PDE1A: variants seen among roughly 807,000 people sequenced by gnomAD.
PDE1A encodes phosphodiesterase 1A.
PDE1A carries 35 observed loss-of-function variants against 61.7 expected under a neutral mutation model. The ratio of observed to expected loss-of-function variants is 0.57; its 90% confidence interval spans 0.43 to 0.75. PDE1A has a LOEUF of 0.75. Ranked by LOEUF, PDE1A falls within the 30% of genes least tolerant of loss-of-function variation. PDE1A has a pLI of 0.00. For synonymous variants in PDE1A, 232 were observed against 213.2 expected, an observed-to-expected ratio of 1.09 and a Z score of -0.77; for missense variants, 597 against 630.6, an observed-to-expected ratio of 0.95 and a Z score of 0.57.
the PDE1A span, among the ~76,000 whole-genome samples, chr2:182,596,042 T>C: frequency 6.6e-6 from 1 of 152,176 alleles, no homozygotes. Flanking sequence ...TATAAATTTA[T>C]AGTACAAGCA....
At chr2:182,526,691 G>C (rs1346785926), upstream of PDE1A, among the ~76,000 whole-genome samples, 1 of 152,140 alleles carries the variant, frequency 6.6e-6, no homozygotes, top group Non-Finnish European at 1.5e-5. Flanking sequence ...AAATGATCTT[G>C]GGTTAGTGGC....
the PDE1A span, among the ~76,000 whole-genome samples, chr2:182,665,733 T>C: frequency 1.3e-5 from 2 of 152,194 alleles, no homozygotes; most frequent in Admixed American, 1.3e-4. Flanking sequence ...TCCAAAGGAA[T>C]ATAAATCACT....
the PDE1A span, chr2:182,716,305 C>T: frequency 6.6e-6 from 1 of 152,494 alleles, no homozygotes; most frequent in African/African-American, 2.4e-5. Context: ...CGGTACCGGC[C>T]GCGCGCTGGT....
At position 182,208,798 on chromosome 2, in the gene PDE1A, T is replaced by G. The variant is rs1169864166; in HGVS notation, c.777-2733A>C. ...ATAACTGCCCTGCTGGGGTTCAGAC[T>G]TGCATGGGGCCTACAGTCCCTTTGT... On this transcript the variant is annotated intron_variant, in intron 7 of 13. Transcript: ENST00000351439. Among the ~76,000 whole-genome samples, 3 of 152,338 alleles carry G rather than the reference T, an allele frequency of 2.0e-5. No individual in the cohort carries two copies. The East Asian group carries it at 5.8e-4, about 29-fold the overall frequency.
At chr2:182,681,686 G>T in the PDE1A span, among the ~76,000 whole-genome samples, 1 of 151,686 alleles carries the variant, frequency 6.6e-6, no homozygotes, top group African/African-American at 2.4e-5. Flanking sequence ...ATGGAGTCTC[G>T]CTCTGTCACT....
the PDE1A span, among the ~76,000 whole-genome samples, chr2:182,599,162 C>A: frequency 6.6e-6 from 1 of 152,182 alleles, no homozygotes; most frequent in Non-Finnish European, 1.5e-5. Flanking sequence ...GCCCCCCCTA[C>A]CCTCACAGGC....
At chr2:182,267,891 C>T (rs929064918) in intron 1 of PDE1A, among the ~76,000 whole-genome samples, 2 of 151,946 alleles carry the variant, frequency 1.3e-5, no homozygotes, top group African/African-American at 4.8e-5. Context: ...TATATCTGTA[C>T]AATTTTTTTT....
chr2:182,326,735 A>T (rs1279969877), intron 1 of PDE1A, among the ~76,000 whole-genome samples: 3 of 152,144 alleles, frequency 2.0e-5, no homozygotes, highest in Non-Finnish European at 2.9e-5. Flanking sequence ...CACAATAATA[A>T]TTTTTTCTTA....
chr2:182,175,633 T>C lies in PDE1A; in HGVS notation c.1517-7343A>G, dbSNP rs1476130803. Among the ~76,000 whole-genome samples, 3 of 82,082 alleles carry C rather than the reference T, an allele frequency of 3.7e-5. No individual in the cohort carries two copies. In the Admixed American group the frequency reaches 4.4e-4, roughly 12 times the overall value. 53.8% of individuals were successfully genotyped at this position (82,082 alleles called of 152,430 possible). On this transcript the variant is annotated intron_variant, in intron 13 of 13. Transcript: ENST00000351439. ...CGAAAATTTTCTCCCATTTTGTAGG[T>C]TGCCTGTTCACTCTGATGGTAGTTT...
chr2:182,154,831 C>A (rs757643970), intron 13 of PDE1A, among the ~76,000 whole-genome samples: 9 of 152,030 alleles, frequency 5.9e-5, no homozygotes, highest in Non-Finnish European at 1.3e-4. Flanking sequence ...TGGTTTGTTA[C>A]CATTTCTCAA....
chr2:182,577,981 G>GAAGGAAGGA, the PDE1A span, among the ~76,000 whole-genome samples: 3 of 148,310 alleles, frequency 2.0e-5, no homozygotes, highest in Non-Finnish European at 3.0e-5. Context: ...AGGAAGGAAG[G>GAAGGAAGGA]AAGGAAGGAA....
chr2:182,401,825 G>A (rs1257017894), intron 1 of PDE1A, among the ~76,000 whole-genome samples: 1 of 152,208 alleles, frequency 6.6e-6, no homozygotes, highest in Admixed American at 6.5e-5. Context: ...AACTTCAGCA[G>A]TCTCAGAATA....
At chr2:182,438,314 T>C (rs1684571781) in intron 2 of PDE1A, among the ~76,000 whole-genome samples, 1 of 151,940 alleles carries the variant, frequency 6.6e-6, no homozygotes, top group Non-Finnish European at 1.5e-5. Context: ...ACTCCAAGAA[T>C]GGAGGGAAAA....
intron 1 of PDE1A, among the ~76,000 whole-genome samples, chr2:182,327,700 G>A (rs972635069): frequency 2.6e-5 from 4 of 152,200 alleles, no homozygotes; most frequent in African/African-American, 7.2e-5. Flanking sequence ...GAGACACAGG[G>A]ACAAAGCCTG....
Position 182,485,689 on chromosome 2 carries a change from T to C in PDE1A, c.101+36587A>G, listed in dbSNP as rs539569039. Among the ~76,000 whole-genome samples the C allele has an allele frequency of 2.6e-5, 4 of 152,070 alleles. No individual in the cohort carries two copies. The East Asian group carries it at 7.7e-4, about 29-fold the overall frequency. On this transcript the variant is annotated intron_variant, in intron 2 of 14. Transcript: ENST00000410103. ...CCAGGAATGCGAGACAAGTTTAAAA[T>C]ATAAAAATTAATTAATACAATACAT...
downstream of PDE1A, chr2:182,142,409 T>C (rs1172503507): frequency 6.6e-6 from 1 of 152,170 alleles, no homozygotes; most frequent in African/African-American, 2.4e-5. Flanking sequence ...TCACTGCCAT[T>C]TCCCAGTATG....
chr2:182,205,406 C>G (rs942712638), intron 8 of PDE1A, among the ~76,000 whole-genome samples: 1 of 151,802 alleles, frequency 6.6e-6, no homozygotes, highest in Non-Finnish European at 1.5e-5. Context: ...CCCTACATAG[C>G]AACAAGTATC....
At chr2:182,267,390 G>C in intron 1 of PDE1A, among the ~76,000 whole-genome samples, 1 of 151,386 alleles carries the variant, frequency 6.6e-6, no homozygotes, top group East Asian at 2.0e-4. Context: ...ATCGCATATA[G>C]TTATAACTCA....
At chr2:182,457,827 G>A (rs1208316130) in intron 2 of PDE1A, among the ~76,000 whole-genome samples, 1 of 151,980 alleles carries the variant, frequency 6.6e-6, no homozygotes, top group African/African-American at 2.4e-5. Context: ...TATGGTAAAG[G>A]GGAGAAATTT....
Sources: allele counts gnomAD v4.1 joint callset (sites outside exome capture counted in the v4.1 genomes callset), GRCh38; gene constraint gnomAD v4.1.1; transcripts MANE v1.5; gene names NCBI Gene and HGNC (gene_info 2026-07-23, HGNC 2026-07-21).